Variants in STPG2 observed in about 807,000 individuals in gnomAD.
STPG2 encodes the protein sperm tail PG-rich repeat containing 2, also known as sperm-tail PG-rich repeat-containing protein 2.
A neutral mutation model predicts 54.2 loss-of-function variants in STPG2; 56 were observed. That is an observed-to-expected ratio of 1.03 (90% CI 0.83 to 1.29). The LOEUF is 1.29. Ranked by LOEUF, STPG2 falls within the 50% of genes most tolerant of loss-of-function variation. STPG2 has a pLI of 0.00. For missense variants in STPG2, 596 were observed against 544.9 expected (o/e 1.09, Z -0.93); for synonymous variants, 200 against 181.8 (o/e 1.10, Z -0.81).
At chr4:97,727,806 A>G (rs1724671471) in intron 9 of STPG2, among the ~76,000 whole-genome samples, 1 of 151,636 alleles carries the variant, frequency 6.6e-6, no homozygotes, top group Non-Finnish European at 1.5e-5. Context: ...TAGCCACATT[A>G]GTGTTTTCAA....
chr4:98,082,637 A>G (rs1578839515), intron 5 of STPG2, among the ~76,000 whole-genome samples: 1 of 151,516 alleles, frequency 6.6e-6, no homozygotes, highest in East Asian at 1.9e-4. Flanking sequence ...TATTTTTAGT[A>G]GAGACGGGGT....
intron 10 of STPG2, among the ~76,000 whole-genome samples, chr4:97,594,091 A>G (rs1480188976): frequency 6.6e-6 from 1 of 152,212 alleles, no homozygotes; most frequent in Non-Finnish European, 1.5e-5. Context: ...TCAAAAAGCC[A>G]GTGTCTTCTA....
chr4:98,039,660 C>A (rs1048739150), intron 5 of STPG2, among the ~76,000 whole-genome samples: 1 of 147,344 alleles, frequency 6.8e-6, no homozygotes, highest in Non-Finnish European at 1.5e-5. Context: ...GCCTTTGCAC[C>A]CCTTAAAATT....
intron 5 of STPG2, among the ~76,000 whole-genome samples, chr4:97,983,826 C>T (rs1734750811): frequency 6.6e-6 from 1 of 152,180 alleles, no homozygotes; most frequent in African/African-American, 2.4e-5. Flanking sequence ...GGGAGAAACA[C>T]ACACATACAT....
At chr4:97,869,525 T>A (rs1026540847) in intron 8 of STPG2, among the ~76,000 whole-genome samples, 1 of 151,646 alleles carries the variant, frequency 6.6e-6, no homozygotes, top group Non-Finnish European at 1.5e-5. Context: ...AGATTAGGAG[T>A]TGAATGCAGT....
intron 4 of STPG2, among the ~76,000 whole-genome samples, chr4:97,530,641 A>T (rs1372162823): frequency 6.6e-6 from 1 of 152,226 alleles, no homozygotes; most frequent in Non-Finnish European, 1.5e-5. Context: ...AAATTTTCAC[A>T]ACTATCTGCA....
intron 4 of STPG2, among the ~76,000 whole-genome samples, chr4:97,449,862 C>T (rs938963710): frequency 6.6e-6 from 1 of 152,126 alleles, no homozygotes; most frequent in Admixed American, 6.6e-5. Context: ...ATCCACATAT[C>T]CTATTGTTTT....
At chr4:98,128,618 T>A (rs1431080312) in intron 2 of STPG2, 26 bp from the exon 3 acceptor site, 2 of 1,522,080 alleles carry the variant, frequency 1.3e-6, no homozygotes, top group Non-Finnish European at 1.8e-6. Flanking sequence ...TTTATATTAT[T>A]TATTCCAAGG....
intron 9 of STPG2, among the ~76,000 whole-genome samples, chr4:97,758,052 G>T (rs567210138): frequency 6.6e-6 from 1 of 152,256 alleles, no homozygotes; most frequent in Middle Eastern, 3.4e-3. Context: ...GTTAGTCTAG[G>T]CTCTAGGGGT....
chr4:97,777,987 C>T (rs184582455), intron 9 of STPG2, among the ~76,000 whole-genome samples: 140 of 152,236 alleles, frequency 9.2e-4, no homozygotes, highest in African/African-American at 3.0e-3. Flanking sequence ...CCAGCATGAG[C>T]GACACAGAAG....
At chr4:97,858,771 T>C (rs912043468) in intron 8 of STPG2, among the ~76,000 whole-genome samples, 5 of 152,208 alleles carry the variant, frequency 3.3e-5, no homozygotes, top group African/African-American at 7.2e-5. Flanking sequence ...GGTGTACGTA[T>C]ACCACATTTT....
At chr4:98,013,378 T>A (rs7659006) in intron 5 of STPG2, among the ~76,000 whole-genome samples, 1 of 151,928 alleles carries the variant, frequency 6.6e-6, no homozygotes, top group Non-Finnish European at 1.5e-5. Context: ...TTCGCATGAA[T>A]GTTCTTCAAG....
intron 10 of STPG2, among the ~76,000 whole-genome samples, chr4:97,634,335 C>G (rs767820539): frequency 6.6e-6 from 1 of 152,114 alleles, no homozygotes; most frequent in Admixed American, 6.5e-5. Context: ...ACCAAAAACC[C>G]ATCTGTACAT....
intron 9 of STPG2, among the ~76,000 whole-genome samples, chr4:97,762,343 C>T (rs1028858003): frequency 2.0e-5 from 3 of 152,088 alleles, no homozygotes; most frequent in Admixed American, 6.5e-5. Context: ...TGTGCTGTTC[C>T]CTAGTGACCA....
intron 4 of STPG2, among the ~76,000 whole-genome samples, chr4:97,529,409 T>C (rs1453355896): frequency 3.9e-5 from 6 of 152,308 alleles, no homozygotes; most frequent in Non-Finnish European, 7.4e-5. Flanking sequence ...GATTTTTGCA[T>C]TGACATTCAT....
At chr4:97,871,198 T>C (rs1729975538) in intron 8 of STPG2, among the ~76,000 whole-genome samples, 1 of 150,406 alleles carries the variant, frequency 6.6e-6, no homozygotes. Context: ...TTAAAGGAAA[T>C]AATAAAAATA....
intron 5 of STPG2, among the ~76,000 whole-genome samples, chr4:98,011,509 G>T (rs1735750127): frequency 2.0e-5 from 3 of 152,058 alleles, no homozygotes; most frequent in Non-Finnish European, 4.4e-5. Context: ...TAGTATTTCT[G>T]GTTCTAGATC....
intron 9 of STPG2, among the ~76,000 whole-genome samples, chr4:97,812,153 C>A (rs902708665): frequency 2.0e-5 from 3 of 151,960 alleles, no homozygotes; most frequent in African/African-American, 7.2e-5. Flanking sequence ...TTATTTCTAA[C>A]CATAACATAG....
rs1732150293 is a variant in STPG2 at position 97,558,991 on chromosome 4, T to C, written c.*67A>G. The C allele has an allele frequency of 2.3e-6, 3 of 1,333,170 alleles. No individual in the cohort carries two copies. The highest frequency in any genetic ancestry group is 2.1e-6 in the Non-Finnish European group (2 of 947,492). The allele number at this position is 1,333,170 out of a possible 1,614,324, so 82.6% of individuals were successfully genotyped here. A position where few individuals can be genotyped will look rare whatever the true frequency, so the allele number is the denominator to read the frequency against. ...ACTCCTATATTTGGAATAAATTTTG[T>C]TAAAATGACAAAGAAATAAACTGAC... On this transcript the variant is annotated 3_prime_UTR_variant, in exon 11 of 11. Transcript: ENST00000295268.
Sources: allele counts gnomAD v4.1 joint callset (sites outside exome capture counted in the v4.1 genomes callset), GRCh38; gene constraint gnomAD v4.1.1; transcripts MANE v1.5; gene names NCBI Gene and HGNC (gene_info 2026-07-23, HGNC 2026-07-21).